Variants in WWC1 observed in about 807,000 individuals in gnomAD.
WWC1 encodes WW and C2 domain containing 1.
In WWC1, 55 loss-of-function variants were observed where a neutral mutation model predicts 138.4. The observed-to-expected ratio is 0.40, with a 90% CI of 0.32 to 0.50. WWC1 has a LOEUF of 0.50. WWC1 is among the 20% of genes least tolerant of loss of function. The pLI, the probability that WWC1 is intolerant of heterozygous loss-of-function variation, is 0.72. For synonymous variants in WWC1, 524 were observed against 564.9 expected (o/e 0.93, Z 1.03); for missense variants, 1,226 against 1,420.4 (o/e 0.86, Z 2.20).
chr5:168,353,093 C>A (rs188246079), intron 1 of WWC1, among the ~76,000 whole-genome samples: 19 of 152,266 alleles, frequency 1.2e-4, no homozygotes, highest in Admixed American at 1.1e-3. Context: ...CCTGCATACT[C>A]CAAAGCCCAC....
rs1757673787 is a variant in WWC1 at position 168,471,574 on chromosome 5, T to C, written c.*2557T>C. ...CTTTTCTGCCCTTCTGTTAAGGGCA[T>C]TGGCCACAGCAACGGGGCAAATGCC... On this transcript the variant is annotated 3_prime_UTR_variant, in exon 23 of 23. Transcript: ENST00000265293. The C allele has an allele frequency of 6.6e-6, 1 of 152,288 alleles. No homozygotes were observed. Among genetic ancestry groups the C allele is most frequent in the Non-Finnish European group, 1.5e-5 (1 of 68,082 alleles). The allele number at this position is 152,288 out of a possible 1,614,324, so 9.4% of individuals were successfully genotyped here. A position where few individuals can be genotyped will look rare whatever the true frequency, so the allele number is the denominator to read the frequency against.
At chr5:168,413,463 G>A (rs1161218810) in intron 8 of WWC1, among the ~76,000 whole-genome samples, 1 of 152,152 alleles carries the variant, frequency 6.6e-6, no homozygotes, top group Non-Finnish European at 1.5e-5. Context: ...CACCCTATAG[G>A]TACCATATCA....
chr5:168,429,039 C>T (rs1471292182), intron 13 of WWC1, among the ~76,000 whole-genome samples: 1 of 152,166 alleles, frequency 6.6e-6, no homozygotes, highest in Non-Finnish European at 1.5e-5. Flanking sequence ...CTTGGCCCAA[C>T]TCACTGAGCT....
At chr5:168,452,057 C>G (rs1401700278) in intron 17 of WWC1, among the ~76,000 whole-genome samples, 1 of 152,028 alleles carries the variant, frequency 6.6e-6, no homozygotes, top group Non-Finnish European at 1.5e-5. Context: ...AGGTGCCCAC[C>G]ACCACGCCTG....
chr5:168,292,404 C>T lies in WWC1; in HGVS notation c.119+133C>T, dbSNP rs1235802056. 2 of 1,000,144 alleles carry T rather than the reference C, an allele frequency of 2.0e-6. No individual in the cohort carries two copies. The highest frequency in any genetic ancestry group is 3.5e-5 in the African/African-American group (2 of 57,596). The allele number at this position is 1,000,144 out of a possible 1,614,324, so 62.0% of individuals were successfully genotyped here. The stretch of plus-strand genomic sequence containing the variant: ...CTCTTGAGCTCTCTTCAGTTCGCCA[C>T]CCCCTGCTCCCCCCAACCTTCTGGA... On this transcript the variant is annotated intron_variant, in intron 1 of 22. Transcript: ENST00000265293. This position sits in a 1 kb window ranked among gnomAD's most constrained non-coding sequence, Gnocchi z 4.4.
At chr5:168,386,962 A>C (rs1459460626) in intron 3 of WWC1, among the ~76,000 whole-genome samples, 1 of 152,166 alleles carries the variant, frequency 6.6e-6, no homozygotes. Flanking sequence ...ACTGTTTCTA[A>C]TAACCAAATT....
At chr5:168,337,293 C>CT (rs982120692) in intron 1 of WWC1, among the ~76,000 whole-genome samples, 80 of 152,028 alleles carry the variant, frequency 5.3e-4, no homozygotes, top group Admixed American at 1.3e-3. Context: ...TGCATGAATT[C>CT]TTTTTTTTCC....
chr5:168,371,129 A>G (rs1290417331), intron 1 of WWC1, among the ~76,000 whole-genome samples: 1 of 152,224 alleles, frequency 6.6e-6, no homozygotes, highest in African/African-American at 2.4e-5. Context: ...AGAGTTGCAG[A>G]AACAGAGGCC....
At chr5:168,441,251 C>T (rs1436060151) in intron 15 of WWC1, among the ~76,000 whole-genome samples, 1 of 152,004 alleles carries the variant, frequency 6.6e-6, no homozygotes, top group Non-Finnish European at 1.5e-5. Context: ...GTGGTGGTTA[C>T]CAGGAGCTGT....
At chr5:168,296,459 T>A (rs1769546848) in intron 1 of WWC1, among the ~76,000 whole-genome samples, 1 of 152,194 alleles carries the variant, frequency 6.6e-6, no homozygotes, top group African/African-American at 2.4e-5. Flanking sequence ...CAGACCCTTA[T>A]GAGACTGATA....
intron 1 of WWC1, among the ~76,000 whole-genome samples, chr5:168,366,801 A>AGTT (rs1776327629): frequency 2.0e-5 from 2 of 98,930 alleles, no homozygotes; most frequent in African/African-American, 3.9e-5. Flanking sequence ...ACTTTGAAAC[A>AGTT]CTTTTTTTTT....
At chr5:168,314,869 C>G (rs114433681) in intron 1 of WWC1, among the ~76,000 whole-genome samples, 107 of 152,322 alleles carry the variant, frequency 7.0e-4, no homozygotes, top group African/African-American at 2.5e-3. Flanking sequence ...AGAGGGCTTT[C>G]CCATCAGGGA....
intron 2 of WWC1, among the ~76,000 whole-genome samples, chr5:168,376,732 A>G (rs1047828681): frequency 2.0e-5 from 3 of 152,254 alleles, no homozygotes; most frequent in Admixed American, 6.5e-5. Context: ...CAAGGAGGTG[A>G]AAGATATATA....
At chr5:168,314,277 A>G (rs1045184990) in intron 1 of WWC1, among the ~76,000 whole-genome samples, 1 of 152,162 alleles carries the variant, frequency 6.6e-6, no homozygotes, top group Admixed American at 6.5e-5. Context: ...AGAAGTATTG[A>G]TGTGAGGGGG....
chr5:168,381,368 C>A (rs1287182741), intron 2 of WWC1, among the ~76,000 whole-genome samples: 1 of 152,156 alleles, frequency 6.6e-6, no homozygotes, highest in Admixed American at 6.5e-5. Context: ...GGGAACTGGA[C>A]ACGGGCCCAG....
chr5:168,300,512 A>G (rs1769962804), intron 1 of WWC1, among the ~76,000 whole-genome samples: 1 of 144,270 alleles, frequency 6.9e-6, no homozygotes, highest in African/African-American at 2.6e-5. Flanking sequence ...AAGAAATGAG[A>G]TCTTTCAGTT....
chr5:168,408,467 TG>T, intron 6 of WWC1, 39 bp from the exon 7 acceptor site: 1 of 1,606,312 alleles, frequency 6.2e-7, no homozygotes, highest in Middle Eastern at 1.7e-4. Flanking sequence ...AGCTCCCTCC[TG>T]GGAAGGCGCA....
At position 168,446,232 on chromosome 5, in the gene WWC1, TAAAAAAAAAAAAAAAA is replaced by T. The variant is rs60746695; in HGVS notation, c.2525+1661_2525+1676del. On this transcript the variant is annotated intron_variant, in intron 17 of 22. Coordinates refer to ENST00000265293, the MANE Select transcript of WWC1 (RefSeq NM_015238.3). ...AAGCCTGAGCCTTCTCTCCCATTAT[TAAAAAAAAAAAAAAAA>T]AAAAAAAAAAAAAGGTTAGCAAGTG... Among the ~76,000 whole-genome samples, 5 of 58,768 alleles carry T rather than the reference TAAAAAAAAAAAAAAAA, an allele frequency of 8.5e-5. No homozygotes were observed. The East Asian group carries it at 1.9e-3, about 22-fold the overall frequency. 38.6% of individuals were successfully genotyped at this position (58,768 alleles called of 152,430 possible). A position where few individuals can be genotyped will look rare whatever the true frequency, so the allele number is the denominator to read the frequency against.
intron 9 of WWC1, 149 bp from the exon 10 acceptor site, chr5:168,421,859 T>A (rs1781110347): frequency 3.5e-6 from 2 of 573,034 alleles, no homozygotes; most frequent in Non-Finnish European, 6.5e-6. Flanking sequence ...CATAGGATTA[T>A]AATATATGTG....
Sources: allele counts gnomAD v4.1 joint callset (sites outside exome capture counted in the v4.1 genomes callset), GRCh38; gene constraint gnomAD v4.1.1; non-coding constraint Gnocchi (gnomAD v3.1); transcripts MANE v1.5; gene names NCBI Gene and HGNC (gene_info 2026-07-23, HGNC 2026-07-21).